DNAJC5B: variants seen among roughly 807,000 people sequenced by gnomAD.
DNAJC5B encodes the protein dnaJ homolog subfamily C member 5B.
DNAJC5B carries 23 observed loss-of-function variants against 24.7 expected under a neutral mutation model. The observed-to-expected ratio is 0.93, with a 90% CI of 0.67 to 1.32. The LOEUF (loss-of-function observed/expected upper bound fraction) is 1.32. Among genes scored for constraint, DNAJC5B ranks in the 40% most tolerant of loss-of-function variants. The pLI is 0.00. For synonymous variants in DNAJC5B, 101 were observed against 90.1 expected, an observed-to-expected ratio of 1.12 and a Z score of -0.68; for missense variants, 238 against 240.8, an observed-to-expected ratio of 0.99 and a Z score of 0.08.
intron 5 of DNAJC5B, among the ~76,000 whole-genome samples, chr8:66,088,702 G>A (rs937997016): frequency 7.2e-5 from 11 of 152,068 alleles, no homozygotes; most frequent in Non-Finnish European, 1.6e-4. Context: ...CGAGTTCAAG[G>A]TTCCATAGAT....
intron 1 of DNAJC5B, among the ~76,000 whole-genome samples, chr8:66,031,355 C>T (rs1806357507): frequency 6.6e-6 from 1 of 152,134 alleles, no homozygotes; most frequent in African/African-American, 2.4e-5. Context: ...GGCATTTCCT[C>T]CTACCTCTTA....
intron 5 of DNAJC5B, among the ~76,000 whole-genome samples, chr8:66,098,987 GTCTC>G (rs1019073480): frequency 4.1e-5 from 6 of 148,092 alleles, no homozygotes; most frequent in African/African-American, 1.0e-4. Context: ...CTCTCTGTCT[GTCTC>G]TCTCTGTCTC....
chr8:66,097,819 A>G (rs909500240), intron 5 of DNAJC5B, among the ~76,000 whole-genome samples: 6 of 152,054 alleles, frequency 3.9e-5, no homozygotes, highest in African/African-American at 9.7e-5. Flanking sequence ...CATATTTGCT[A>G]TTGAGAAGTA....
intron 1 of DNAJC5B, among the ~76,000 whole-genome samples, chr8:66,022,245 G>A (rs1030729069): frequency 5.3e-5 from 8 of 152,136 alleles, no homozygotes; most frequent in African/African-American, 1.7e-4. Flanking sequence ...CTGGGGATGC[G>A]GACAGTTCTG....
At chr8:66,024,258 AGTT>A (rs773965945) in intron 1 of DNAJC5B, among the ~76,000 whole-genome samples, 2 of 152,216 alleles carry the variant, frequency 1.3e-5, no homozygotes, top group Non-Finnish European at 2.9e-5. Flanking sequence ...GGCTTTACAC[AGTT>A]GTTGTAATAA....
At chr8:66,081,873 A>G (rs1807603566) in intron 5 of DNAJC5B, among the ~76,000 whole-genome samples, 1 of 152,154 alleles carries the variant, frequency 6.6e-6, no homozygotes, top group African/African-American at 2.4e-5. Context: ...GTGAAACAGA[A>G]TTATAACTTT....
chr8:66,080,327 CTCACCCCA>C lies in DNAJC5B; in HGVS notation c.334-42_334-35del, dbSNP rs780044313. Reference sequence around the variant, plus strand: ...CAGACTTGATTTCATGGGTTCTCCCCTCACCCCATCACCCCTCATCCTCATTTTGCTTT... The same window carrying C: ...CAGACTTGATTTCATGGGTTCTCCCCTCACCCCTCATCCTCATTTTGCTTT... On this transcript the variant is annotated intron_variant, in intron 4 of 5. Transcript: ENST00000276570. 2.6e-5 allele frequency: 41 copies of C among 1,582,142 alleles called. No homozygotes were observed. In the Admixed American group the frequency reaches 4.3e-4, roughly 17 times the overall value.
chr8:66,080,396 G>A lies in DNAJC5B; in HGVS notation c.353G>A (p.Gly118Asp), dbSNP rs761558528. The A allele has an allele frequency of 3.1e-6, 5 of 1,613,334 alleles. No individual in the cohort carries two copies. The South Asian group carries it at 4.4e-5, about 14-fold the overall frequency. ...WWAKALFVIV[G>D]LLTGCYFCCC... The stretch of plus-strand genomic sequence containing the variant: ...CCCTAGGCCCTGTTTGTCATCGTTG[G>A]CCTCTTGACGGGCTGCTACTTTTGC... Residue 118 changes from glycine to aspartate, a missense_variant, in exon 5 of 6, where the codon GGC (glycine) becomes GAC (aspartate). Physicochemically the swap from Gly to Asp is moderately conservative, Grantham distance 94. Coordinates refer to ENST00000276570, the MANE Select transcript of DNAJC5B (RefSeq NM_033105.6).
At chr8:66,074,273 C>G (rs1010010921) in intron 3 of DNAJC5B, among the ~76,000 whole-genome samples, 2 of 152,100 alleles carry the variant, frequency 1.3e-5, no homozygotes, top group African/African-American at 4.8e-5. Context: ...TGGTAGGTAG[C>G]AGTAGTTTGA....
chr8:66,065,641 T>C (rs1807175410), intron 3 of DNAJC5B, among the ~76,000 whole-genome samples: 1 of 152,154 alleles, frequency 6.6e-6, no homozygotes. Flanking sequence ...TGTAGGGGGC[T>C]GTAGGGTTGA....
At chr8:66,046,819 C>T (rs572811638) in intron 2 of DNAJC5B, among the ~76,000 whole-genome samples, 4 of 152,378 alleles carry the variant, frequency 2.6e-5, no homozygotes, top group South Asian at 4.1e-4. Context: ...GCTGAGATGG[C>T]GGCAGCCAGA....
upstream of DNAJC5B, among the ~76,000 whole-genome samples, chr8:66,019,003 C>A (rs1166547036): frequency 6.6e-6 from 1 of 152,198 alleles, no homozygotes; most frequent in Admixed American, 6.5e-5. Flanking sequence ...CTGTGTGCTC[C>A]AGGTGTGAGG....
chr8:66,065,248 G>A (rs1370473948), intron 3 of DNAJC5B, among the ~76,000 whole-genome samples: 2 of 152,178 alleles, frequency 1.3e-5, no homozygotes, highest in Admixed American at 1.3e-4. Flanking sequence ...CTGCATCCCA[G>A]AAAATGAGAG....
chr8:66,099,922 T>A lies in DNAJC5B; in HGVS notation c.506-15T>A, dbSNP rs202112821. 6.2e-7 allele frequency: 1 copy of A among 1,611,116 alleles called. No homozygotes were observed. Among genetic ancestry groups the A allele is most frequent in the Non-Finnish European group, 8.5e-7 (1 of 1,177,676 alleles). ...ATGATGAGAGTGTTTATTGCTTTGC[T>A]TTGTTTATTTTTAGATGTGGACTTT... On this transcript the variant is annotated splice_polypyrimidine_tract_variant and intron_variant, in intron 5 of 5. Transcript: ENST00000276570.
rs563310977 is a variant in DNAJC5B, at chr8:66,072,517, A to T, written c.120-4143A>T. Among the ~76,000 whole-genome samples the T allele has an allele frequency of 9.8e-5, 15 of 152,322 alleles. 1 individual carries two copies. In the South Asian group the frequency reaches 3.1e-3, roughly 32 times the overall value. On this transcript the variant is annotated intron_variant, in intron 3 of 5. Transcript: ENST00000276570. ...TAATAAGACATAAGGCAAGTCTCAA[A>T]TTTTAAAGGATTTCAATCATACCAA...
chr8:66,055,251 T>A (rs1806937834), intron 3 of DNAJC5B, among the ~76,000 whole-genome samples: 2 of 152,246 alleles, frequency 1.3e-5, no homozygotes, highest in African/African-American at 4.8e-5. Flanking sequence ...CTCCCTAAAT[T>A]ACACATTTGT....
chr8:66,046,660 G>C (rs11995443), intron 2 of DNAJC5B, among the ~76,000 whole-genome samples: 60,714 of 152,168 alleles, frequency 0.4, 17,281 homozygotes, highest in African/African-American at 0.82. Context: ...GATTGCAAAG[G>C]AGAGAGGTAT....
At chr8:66,078,201 T>C (rs963100504) in intron 4 of DNAJC5B, among the ~76,000 whole-genome samples, 2 of 152,158 alleles carry the variant, frequency 1.3e-5, no homozygotes, top group African/African-American at 2.4e-5. Context: ...AAAATTCACA[T>C]GGACAAGCAG....
At chr8:66,096,853 G>C (rs1361642534) in intron 5 of DNAJC5B, among the ~76,000 whole-genome samples, 1 of 151,884 alleles carries the variant, frequency 6.6e-6, no homozygotes, top group Non-Finnish European at 1.5e-5. Flanking sequence ...TCAATATAAT[G>C]TACTTTGATC....
Sources: gnomAD v4.1 joint callset for allele counts (sites outside exome capture counted in the v4.1 genomes callset) on GRCh38, gnomAD v4.1.1 for gene constraint, MANE v1.5 for transcripts, NCBI Gene and HGNC (gene_info 2026-07-23, HGNC 2026-07-21) for gene names.